The following ZSWIM5 variants were observed in gnomAD, a reference collection of about 807,000 sequenced individuals.
ZSWIM5 encodes zinc finger SWIM domain-containing protein 5.
In ZSWIM5, 55 loss-of-function variants were observed where a neutral mutation model predicts 119.6. The ratio of observed to expected loss-of-function variants is 0.46; its 90% CI spans 0.37 to 0.58. The LOEUF (loss-of-function observed/expected upper bound fraction) is 0.58, where lower values mean the gene tolerates loss of function less well. Ranked by LOEUF, ZSWIM5 falls within the 20% of genes least tolerant of loss-of-function variation. ZSWIM5 has a pLI of 0.00. For missense variants in ZSWIM5, 1,193 were observed against 1,512.8 expected (o/e 0.79, Z 3.51); for synonymous variants, 537 against 606.9 (o/e 0.88, Z 1.69).
intron 1 of ZSWIM5, among the ~76,000 whole-genome samples, chr1:45,130,711 A>G (rs1357775521): frequency 6.6e-6 from 1 of 152,200 alleles, no homozygotes; most frequent in African/African-American, 2.4e-5. Flanking sequence ...ACATACAACT[A>G]ACAAATGACT....
chr1:45,089,364 T>C (rs966654875), intron 1 of ZSWIM5, among the ~76,000 whole-genome samples: 2 of 152,204 alleles, frequency 1.3e-5, no homozygotes, highest in East Asian at 1.9e-4. Context: ...AAAAGTTTAA[T>C]GAGACCTTAA....
At chr1:45,147,584 CA>C (rs11409330) in intron 1 of ZSWIM5, among the ~76,000 whole-genome samples, 8,109 of 93,152 alleles carry the variant, frequency 0.087, 150 homozygotes, top group Middle Eastern at 0.13. Context: ...TTTACACATG[CA>C]AAAAAAAAAA....
At chr1:45,178,320 C>T (rs907769327) in intron 1 of ZSWIM5, among the ~76,000 whole-genome samples, 8 of 152,016 alleles carry the variant, frequency 5.3e-5, no homozygotes, top group Non-Finnish European at 1.2e-4. Context: ...CCTACTCGAC[C>T]GACTGAGGCT....
intron 1 of ZSWIM5, among the ~76,000 whole-genome samples, chr1:45,123,317 G>T (rs1416950280): frequency 6.8e-6 from 1 of 146,836 alleles, no homozygotes; most frequent in East Asian, 1.9e-4. Flanking sequence ...TTGTCACAAA[G>T]ATTTTAAAGT....
At chr1:45,066,117 G>A (rs1252752659) in intron 2 of ZSWIM5, among the ~76,000 whole-genome samples, 1 of 148,856 alleles carries the variant, frequency 6.7e-6, no homozygotes, top group Non-Finnish European at 1.5e-5. Flanking sequence ...GTGGTGTTTG[G>A]TTTTTTGTCC....
At chr1:45,108,669 T>A (rs764406234) in intron 1 of ZSWIM5, among the ~76,000 whole-genome samples, 10 of 151,724 alleles carry the variant, frequency 6.6e-5, no homozygotes, top group Admixed American at 2.6e-4. Context: ...AATGATCTTA[T>A]AATAGTGTCT....
chr1:45,026,582 T>C (rs1644922343), intron 11 of ZSWIM5, among the ~76,000 whole-genome samples: 1 of 152,204 alleles, frequency 6.6e-6, no homozygotes, highest in South Asian at 2.1e-4. Flanking sequence ...AAATCCTACT[T>C]GTGGTTCATT....
intron 1 of ZSWIM5, among the ~76,000 whole-genome samples, chr1:45,163,079 C>A (rs1156940261): frequency 6.6e-6 from 1 of 152,140 alleles, no homozygotes; most frequent in Non-Finnish European, 1.5e-5. Flanking sequence ...CAGTAAGGGC[C>A]GACTGACACC....
chr1:45,026,239 T>C (rs1286876136), intron 11 of ZSWIM5, among the ~76,000 whole-genome samples: 3 of 152,106 alleles, frequency 2.0e-5, no homozygotes, highest in Admixed American at 6.5e-5. Flanking sequence ...CTTGCTATGT[T>C]ATCCAGGCTG....
At chr1:45,080,021 C>T (rs1305516460) in intron 2 of ZSWIM5, among the ~76,000 whole-genome samples, 1 of 152,198 alleles carries the variant, frequency 6.6e-6, no homozygotes, top group Non-Finnish European at 1.5e-5. Flanking sequence ...CATCCCCACT[C>T]TTCCCTCTCC....
At chr1:45,104,852 G>C (rs1645460377) in intron 1 of ZSWIM5, among the ~76,000 whole-genome samples, 1 of 152,166 alleles carries the variant, frequency 6.6e-6, no homozygotes, top group African/African-American at 2.4e-5. Flanking sequence ...GCAGCCAGTG[G>C]TCTCTGTTCT....
chr1:45,047,934 T>A (rs140090083), intron 5 of ZSWIM5, among the ~76,000 whole-genome samples: 1 of 152,216 alleles, frequency 6.6e-6, no homozygotes, highest in East Asian at 1.9e-4. Context: ...GAGTGAAAGA[T>A]GGCACAGACT....
chr1:45,098,076 C>T lies in ZSWIM5; in HGVS notation c.596-9839G>A, dbSNP rs144197833. On this transcript the variant is annotated intron_variant, in intron 1 of 13. Transcript: ENST00000359600. ...TGGCAGAGTAGTGGTAAAGAAGACT[C>T]CAGGCAAGAGAGAGACAGACAGACA... 1.7e-3 allele frequency among the ~76,000 whole-genome samples: 264 copies of T among 152,120 alleles called. 4 individuals are homozygous for T. Among genetic ancestry groups the T allele is most frequent in the Middle Eastern group, 6.8e-3 (2 of 294 alleles).
rs1644866786 is a variant in ZSWIM5 at position 45,018,259 on chromosome 1, G to A, written c.*195C>T. 1 of 678,380 alleles carries A rather than the reference G, an allele frequency of 1.5e-6. No individual in the cohort carries two copies. The highest frequency in any genetic ancestry group is 2.4e-6 in the Non-Finnish European group (1 of 411,106). 42.0% of individuals were successfully genotyped at this position (678,380 alleles called of 1,614,324 possible). ...GGCCCAGCTCCTCCATGAACAGTAG[G>A]CTGTAGTCAGAAGCTTGCCAAGGTA... On this transcript the variant is annotated 3_prime_UTR_variant, in exon 14 of 14. Transcript: ENST00000359600. This position sits in a 1 kb window ranked among gnomAD's most constrained non-coding sequence, Gnocchi z 6.7.
chr1:45,160,656 A>G (rs1000591121), intron 1 of ZSWIM5, among the ~76,000 whole-genome samples: 1 of 129,370 alleles, frequency 7.7e-6, no homozygotes, highest in Non-Finnish European at 1.6e-5. Context: ...TATATGTACC[A>G]CTTTTTTTTT....
rs988429826 is a variant in ZSWIM5, at chr1:45,129,901, A to AT, written c.596-41665dup. Among the ~76,000 whole-genome samples, 465 of 146,590 alleles carry AT rather than the reference A, an allele frequency of 3.2e-3. 1 individual carries two copies. The highest frequency in any genetic ancestry group is 8.8e-3 in the African/African-American group (355 of 40,278). ...CCAAAAACATAATCCATAAAAGGAAATTTTTTTTTTTTTTGAGATGGAGTT... is the reference window on the plus strand; with the variant it reads ...CCAAAAACATAATCCATAAAAGGAAATTTTTTTTTTTTTTTGAGATGGAGTT... On this transcript the variant is annotated intron_variant, in intron 1 of 13. Transcript: ENST00000359600.
At chr1:45,104,893 C>G (rs182097135) in intron 1 of ZSWIM5, among the ~76,000 whole-genome samples, 302 of 152,358 alleles carry the variant, frequency 2.0e-3, no homozygotes, top group Non-Finnish European at 3.1e-3. Context: ...AGTTCAAGAA[C>G]AATGAGGCTT....
At chr1:45,095,290 AT>A (rs980625078) in intron 1 of ZSWIM5, among the ~76,000 whole-genome samples, 4 of 151,038 alleles carry the variant, frequency 2.6e-5, no homozygotes, top group South Asian at 2.1e-4. Flanking sequence ...ACCATCTCTA[AT>A]TTTTTTTTAT....
chr1:45,133,272 C>T (rs1645669459), intron 1 of ZSWIM5, among the ~76,000 whole-genome samples: 1 of 152,178 alleles, frequency 6.6e-6, no homozygotes, highest in Non-Finnish European at 1.5e-5. Context: ...CTCTACAGCA[C>T]CTGTTGTTTC....
Sources: gnomAD v4.1 joint callset for allele counts (sites outside exome capture counted in the v4.1 genomes callset) on GRCh38, gnomAD v4.1.1 for gene constraint, Gnocchi (gnomAD v3.1) non-coding constraint, MANE v1.5 for transcripts, NCBI Gene and HGNC (gene_info 2026-07-23, HGNC 2026-07-21) for gene names.